ZCCHC14: variants seen among roughly 807,000 people sequenced by gnomAD.
ZCCHC14 encodes zinc finger CCHC domain-containing protein 14.
A neutral mutation model predicts 85.0 loss-of-function variants in ZCCHC14; 16 were observed. The observed-to-expected ratio is 0.19, with a 90% confidence interval of 0.13 to 0.29. ZCCHC14 has a LOEUF of 0.29. Ranked by LOEUF, ZCCHC14 falls within the 10% of genes least tolerant of loss-of-function variation. ZCCHC14 has a pLI of 1.00. For missense variants in ZCCHC14, 1,303 were observed against 1,443.5 expected, an observed-to-expected ratio of 0.90 and a Z score of 1.58; for synonymous variants, 775 against 630.7, an observed-to-expected ratio of 1.23 and a Z score of -3.43.
chr16:87,444,380 G>A lies in ZCCHC14; in HGVS notation c.695-11179C>T, dbSNP rs148351041. On this transcript the variant is annotated intron_variant, in intron 2 of 12. Coordinates refer to ENST00000671377, the MANE Select transcript of ZCCHC14 (RefSeq NM_015144.3). ...AATCTGGTACAGCTTCAACATCAGA[G>A]TAACGACATTAATGGATTATAACTC... 3.3e-3 allele frequency among the ~76,000 whole-genome samples: 495 copies of A among 152,296 alleles called. 2 individuals are homozygous for A. Among genetic ancestry groups the A allele is most frequent in the African/African-American group, 0.012 (481 of 41,548 alleles).
At chr16:87,475,502 G>C (rs139152773) in intron 1 of ZCCHC14, among the ~76,000 whole-genome samples, 2 of 147,596 alleles carry the variant, frequency 1.4e-5, no homozygotes, top group African/African-American at 5.1e-5. Context: ...GCAGTGAGCC[G>C]AGAGTGTGCC....
chr16:87,408,557 T>A lies in ZCCHC14; in HGVS notation c.*1723A>T, dbSNP rs2150717171. ...CCCTAAATAGCTGTTGTAATAAGCA[T>A]CACCATTACTTCAACACTGTAATAC... On this transcript the variant is annotated 3_prime_UTR_variant, in exon 13 of 13. Coordinates refer to ENST00000671377, the MANE Select transcript of ZCCHC14 (RefSeq NM_015144.3). The A allele has an allele frequency of 6.5e-6, 1 of 152,752 alleles. No homozygotes were observed. 9.5% of individuals were successfully genotyped at this position (152,752 alleles called of 1,614,324 possible). A position where few individuals can be genotyped will look rare whatever the true frequency, so the allele number is the denominator to read the frequency against.
rs1184789673 is a variant in ZCCHC14, at chr16:87,417,511, T to A, written c.1332A>T (p.Lys444Asn). Reference protein sequence around the residue: ...EQNGILDWLRKLRLHKYYPVF... With the variant: ...EQNGILDWLRNLRLHKYYPVF... ...CGGGGTAATACTTGTGCAAACGCAG[T>A]TTCCTAAGCCAGTCTAGAATCCCAT... The change falls in exon 8 of 13, where the codon AAA becomes AAT. Residue 444 changes from lysine (K) to asparagine (N), a missense_variant. Lys to Asn is a moderately conservative substitution (Grantham distance 94, BLOSUM62 0). Around this residue, in one of 7 missense-constraint regions of ZCCHC14, gnomAD observed 10 missense variants for 54.4 expected, o/e 0.18. Coordinates refer to ENST00000671377, the MANE Select transcript of ZCCHC14 (RefSeq NM_015144.3). 6.2e-7 allele frequency: 1 copy of A among 1,614,120 alleles called. No homozygotes were observed. The highest frequency in any genetic ancestry group is 1.7e-5 in the Admixed American group (1 of 60,010).
chr16:87,459,440 G>A (rs187168083), intron 2 of ZCCHC14, among the ~76,000 whole-genome samples: 37 of 151,904 alleles, frequency 2.4e-4, no homozygotes, highest in African/African-American at 8.0e-4. Context: ...CACCTCCTGG[G>A]TTCAAGCAAT....
intron 4 of ZCCHC14, among the ~76,000 whole-genome samples, chr16:87,421,280 T>G (rs1213477973): frequency 3.3e-5 from 5 of 152,146 alleles, no homozygotes; most frequent in Admixed American, 1.3e-4. Context: ...GAAAAGCCCT[T>G]AAGACGTTGC....
In ZCCHC14 at chr16:87,420,538, A is replaced by G. The variant is rs1378373048; in HGVS notation, c.950+69T>C. ...CTCCCAGAGCTCCTTGGAGGACCACAGCATTGACCACAGGACCAGCCTGTC... is the reference window on the plus strand; with the variant it reads ...CTCCCAGAGCTCCTTGGAGGACCACGGCATTGACCACAGGACCAGCCTGTC... On this transcript the variant is annotated intron_variant, in intron 5 of 12. Transcript: ENST00000671377. The surrounding 1 kb of genome is among the most constrained non-coding windows in gnomAD (Gnocchi z 5.0). The G allele has an allele frequency of 5.3e-6, 7 of 1,316,386 alleles. No homozygotes were observed. The highest frequency in any genetic ancestry group is 2.3e-4 in the Middle Eastern group (1 of 4,356). The allele number at this position is 1,316,386 out of a possible 1,614,324, so 81.5% of individuals were successfully genotyped here.
intron 2 of ZCCHC14, among the ~76,000 whole-genome samples, chr16:87,452,750 C>T (rs1333691509): frequency 6.6e-6 from 1 of 151,976 alleles, no homozygotes; most frequent in Non-Finnish European, 1.5e-5. Flanking sequence ...CTGAAAGCAC[C>T]TACCCTGCTT....
chr16:87,467,210 G>A, intron 1 of ZCCHC14: 1 of 1,526,846 alleles, frequency 6.5e-7, no homozygotes, highest in Non-Finnish European at 9.1e-7. Flanking sequence ...CCTTTTAAAA[G>A]GAAACTCGAA....
intron 1 of ZCCHC14, chr16:87,472,542 G>A (rs1275033361): frequency 6.6e-6 from 1 of 152,384 alleles, no homozygotes; most frequent in Non-Finnish European, 1.5e-5. Context: ...CCAATCAGAG[G>A]CTGCTCGAAA....
chr16:87,422,199 G>C (rs7190306), intron 4 of ZCCHC14, among the ~76,000 whole-genome samples: 1 of 152,124 alleles, frequency 6.6e-6, no homozygotes, highest in Non-Finnish European at 1.5e-5. Context: ...CCTGGCAGCA[G>C]AAATGAGGAC....
chr16:87,433,010 G>C (rs1909739299), intron 3 of ZCCHC14, 118 bp downstream of exon 3: 1 of 908,772 alleles, frequency 1.1e-6, no homozygotes, highest in East Asian at 4.6e-5. Flanking sequence ...TTCCTATACA[G>C]CACTGGCACG....
Position 87,491,614 on chromosome 16 carries a change from C to T in ZCCHC14, c.570+55G>A. The T allele has an allele frequency of 7.4e-7, 1 of 1,343,682 alleles. No homozygotes were observed. Among genetic ancestry groups the T allele is most frequent in the Non-Finnish European group, 9.5e-7 (1 of 1,048,770 alleles). 83.2% of individuals were successfully genotyped at this position (1,343,682 alleles called of 1,614,324 possible). A position where few individuals can be genotyped will look rare whatever the true frequency, so the allele number is the denominator to read the frequency against. On this transcript the variant is annotated intron_variant, in intron 1 of 12. Transcript: ENST00000671377. The surrounding 1 kb of genome is among the most constrained non-coding windows in gnomAD (Gnocchi z 5.9). Reference sequence around the variant, plus strand: ...CGGTGCAGGCTGGAGGCTTGGAGTGCAGAGTTGGGGATGCAGACTTGGGGT... The same window carrying T: ...CGGTGCAGGCTGGAGGCTTGGAGTGTAGAGTTGGGGATGCAGACTTGGGGT...
rs1403074479 is a variant in ZCCHC14 at position 87,409,096 on chromosome 16, C to G, written c.*1184G>C. 4 of 152,426 alleles carry G rather than the reference C, an allele frequency of 2.6e-5. No individual in the cohort carries two copies. In the South Asian group the frequency reaches 8.3e-4, roughly 32 times the overall value. The allele number at this position is 152,426 out of a possible 1,614,324, so 9.4% of individuals were successfully genotyped here. A position where few individuals can be genotyped will look rare whatever the true frequency, so the allele number is the denominator to read the frequency against. On this transcript the variant is annotated 3_prime_UTR_variant, in exon 13 of 13. Coordinates refer to ENST00000671377, the MANE Select transcript of ZCCHC14 (RefSeq NM_015144.3). Reference sequence around the variant, plus strand: ...CCAGACTTGCACAGATCTCGCAGCTCTCGGGTGTGTGGCCTCTTCCAGAGT... The same window carrying G: ...CCAGACTTGCACAGATCTCGCAGCTGTCGGGTGTGTGGCCTCTTCCAGAGT...
intron 1 of ZCCHC14, among the ~76,000 whole-genome samples, chr16:87,488,556 C>T (rs1438910897): frequency 2.6e-5 from 4 of 152,108 alleles, no homozygotes; most frequent in African/African-American, 9.7e-5. Flanking sequence ...ATGACTATTT[C>T]GGAAAATACA....
chr16:87,415,030 C>T (rs936121614), intron 9 of ZCCHC14, among the ~76,000 whole-genome samples: 7 of 152,182 alleles, frequency 4.6e-5, no homozygotes, highest in Middle Eastern at 3.4e-3. Context: ...TGCAGTGAGC[C>T]GAGATTGCAC....
chr16:87,477,966 G>A (rs1567542755), intron 1 of ZCCHC14, among the ~76,000 whole-genome samples: 1 of 150,820 alleles, frequency 6.6e-6, no homozygotes, highest in South Asian at 2.1e-4. Context: ...CATCGCTCCC[G>A]AGTCCGCTGC....
intron 3 of ZCCHC14, among the ~76,000 whole-genome samples, chr16:87,429,304 A>G (rs906501797): frequency 2.0e-5 from 3 of 152,072 alleles, no homozygotes; most frequent in African/African-American, 4.8e-5. Flanking sequence ...ATCTTTTCAC[A>G]TGTGTTTATG....
intron 8 of ZCCHC14, among the ~76,000 whole-genome samples, chr16:87,416,518 G>C (rs1454909119): frequency 1.3e-5 from 2 of 152,100 alleles, no homozygotes; most frequent in Admixed American, 6.5e-5. Context: ...AGCACTTTGG[G>C]AGACCGAGGT....
intron 2 of ZCCHC14, among the ~76,000 whole-genome samples, chr16:87,451,867 A>G (rs1389707410): frequency 1.3e-5 from 2 of 152,268 alleles, no homozygotes; most frequent in African/African-American, 4.8e-5. Flanking sequence ...GGTCTGCTGC[A>G]TTCAGATGTC....
Sources: allele counts gnomAD v4.1 joint callset (sites outside exome capture counted in the v4.1 genomes callset), GRCh38; gene constraint gnomAD v4.1.1; regional missense constraint gnomAD v4.1.1; non-coding constraint Gnocchi (gnomAD v3.1); transcripts MANE v1.5; gene names NCBI Gene and HGNC (gene_info 2026-07-23, HGNC 2026-07-21).